ZBTB38: variants seen among roughly 807,000 people sequenced by gnomAD.
ZBTB38 encodes the protein zinc finger and BTB domain-containing protein 38.
ZBTB38 carries 20 observed loss-of-function variants against 76.8 expected under a neutral mutation model. The observed-to-expected ratio is 0.26, with a 90% CI of 0.18 to 0.38. ZBTB38 has a LOEUF of 0.38. Ranked by LOEUF, ZBTB38 falls within the 10% of genes least tolerant of loss-of-function variation. The pLI, the probability that ZBTB38 is intolerant of heterozygous loss-of-function variation, is 1.00. For synonymous variants in ZBTB38, 504 were observed against 544.2 expected, an observed-to-expected ratio of 0.93 and a Z score of 1.03; for missense variants, 1,082 against 1,482.3, an observed-to-expected ratio of 0.73 and a Z score of 4.43.
At position 141,446,068 on chromosome 3, in the gene ZBTB38, A is replaced by T; in HGVS notation, c.*92A>T. On this transcript the variant is annotated 3_prime_UTR_variant, in exon 6 of 6. Transcript: ENST00000321464. ...GTTTCATTTTGTCCATGTGACAGTC[A>T]TGAAGGAGTGAAATTAAAAAAAAAA... 4.6e-6 allele frequency: 5 copies of T among 1,079,718 alleles called. No homozygotes were observed. The highest frequency in any genetic ancestry group is 6.3e-6 in the Non-Finnish European group (5 of 792,668). The allele number at this position is 1,079,718 out of a possible 1,614,324, so 66.9% of individuals were successfully genotyped here.
chr3:141,329,334 AG>A (rs1055450366), intron 1 of ZBTB38, among the ~76,000 whole-genome samples: 4 of 152,234 alleles, frequency 2.6e-5, no homozygotes, highest in African/African-American at 9.6e-5. Context: ...CAACATGCTC[AG>A]GAAAAATAAC....
rs2080839552 is a variant in ZBTB38 at position 141,444,591 on chromosome 3, G to T, written c.2203G>T (p.Ala735Ser). 3 of 1,614,066 alleles carry T rather than the reference G, an allele frequency of 1.9e-6. No individual in the cohort carries two copies. The highest frequency in any genetic ancestry group is 1.7e-6 in the Non-Finnish European group (2 of 1,180,036). Residue 735 changes from alanine to serine, a missense_variant, in exon 6 of 6, where the codon GCC (alanine) becomes TCC (serine). Ala to Ser is a moderately conservative substitution (Grantham distance 99). Coordinates refer to ENST00000321464, the MANE Select transcript of ZBTB38 (RefSeq NM_001376113.1). The surrounding 1 kb of genome is among the most constrained non-coding windows in gnomAD (Gnocchi z 5.1). ...SVIMHSNAIA[A>S]MTSSNHRAFS... ...GATCATGCACAGCAATGCCATTGCT[G>T]CCATGACCAGCAGCAACCACAGAGC...
chr3:141,332,512 C>T (rs1357122299), intron 1 of ZBTB38, among the ~76,000 whole-genome samples: 1 of 152,224 alleles, frequency 6.6e-6, no homozygotes, highest in Non-Finnish European at 1.5e-5. Flanking sequence ...CAGGCTCTCA[C>T]CCGGCCACCT....
chr3:141,349,084 C>G (rs1943446475), intron 1 of ZBTB38, among the ~76,000 whole-genome samples: 1 of 152,122 alleles, frequency 6.6e-6, no homozygotes, highest in African/African-American at 2.4e-5. Context: ...CCCAAAGGAG[C>G]ACTTAGCCTT....
intron 2 of ZBTB38, among the ~76,000 whole-genome samples, chr3:141,378,061 T>C (rs1945645326): frequency 6.6e-6 from 1 of 152,004 alleles, no homozygotes; most frequent in African/African-American, 2.4e-5. Context: ...ACCTGTGGTC[T>C]CAGCTACTTG....
chr3:141,357,064 G>A (rs1257796606), intron 1 of ZBTB38, among the ~76,000 whole-genome samples: 3 of 152,064 alleles, frequency 2.0e-5, no homozygotes, highest in African/African-American at 7.2e-5. Context: ...ATTTGTGTTT[G>A]ATCTTTTCTC....
chr3:141,341,588 T>C (rs553209237), intron 1 of ZBTB38, among the ~76,000 whole-genome samples: 65 of 152,224 alleles, frequency 4.3e-4, no homozygotes, highest in African/African-American at 1.4e-3. Context: ...GCACCAATAC[T>C]GAAAAGACAA....
Position 141,443,106 on chromosome 3 carries a change from C to A in ZBTB38, c.718C>A (p.His240Asn), listed in dbSNP as rs774987700. The change falls in exon 6 of 6, where the codon CAT becomes AAT. Residue 240 changes from histidine to asparagine, a missense_variant. His to Asn is a moderately conservative substitution (Grantham distance 68). Transcript: ENST00000321464. The surrounding 1 kb of genome is among the most constrained non-coding windows in gnomAD (Gnocchi z 5.6). ...TTACAGAAGTCAGCCTGTACGTGAA[C>A]ATGATGGCAGTTCACCTGGTAACAC... is the stretch of plus-strand genomic sequence containing the variant. Reference protein sequence around the residue: ...EAYRSQPVREHDGSSPGNTGK... With the variant: ...EAYRSQPVRENDGSSPGNTGK... 1 of 1,614,218 alleles carries A rather than the reference C, an allele frequency of 6.2e-7. No individual in the cohort carries two copies. Among genetic ancestry groups the A allele is most frequent in the African/African-American group, 1.3e-5 (1 of 75,056 alleles).
At chr3:141,415,473 T>C (rs1301289357) in intron 5 of ZBTB38, among the ~76,000 whole-genome samples, 1 of 152,130 alleles carries the variant, frequency 6.6e-6, no homozygotes, top group Non-Finnish European at 1.5e-5. Context: ...ATGGACATCC[T>C]CTGGGAGTCC....
At chr3:141,353,720 G>A (rs998364870) in intron 1 of ZBTB38, among the ~76,000 whole-genome samples, 1 of 152,126 alleles carries the variant, frequency 6.6e-6, no homozygotes, top group Non-Finnish European at 1.5e-5. Flanking sequence ...ATGAATGAGT[G>A]AATGAATAAA....
At chr3:141,404,574 G>T (rs1336147524) in intron 5 of ZBTB38, among the ~76,000 whole-genome samples, 1 of 152,190 alleles carries the variant, frequency 6.6e-6, no homozygotes, top group Non-Finnish European at 1.5e-5. Flanking sequence ...CTACCTTGGA[G>T]CCATATACAA....
chr3:141,375,012 C>T (rs1295114594), intron 2 of ZBTB38, among the ~76,000 whole-genome samples: 1 of 152,178 alleles, frequency 6.6e-6, no homozygotes. Flanking sequence ...CCTCCCAATT[C>T]TTCTGCATTA....
At chr3:141,404,637 G>C (rs140462365) in intron 5 of ZBTB38, among the ~76,000 whole-genome samples, 9 of 152,342 alleles carry the variant, frequency 5.9e-5, no homozygotes, top group African/African-American at 1.7e-4. Context: ...TTGTGTGCAT[G>C]TGTACGCTAG....
intron 2 of ZBTB38, among the ~76,000 whole-genome samples, chr3:141,380,573 TGA>T (rs1249894412): frequency 1.3e-5 from 2 of 152,158 alleles, no homozygotes; most frequent in Non-Finnish European, 2.9e-5. Context: ...TTGATGTTGG[TGA>T]GTCCAAAACA....
At chr3:141,393,769 G>T (rs568715873) in intron 4 of ZBTB38, among the ~76,000 whole-genome samples, 1 of 150,932 alleles carries the variant, frequency 6.6e-6, no homozygotes, top group South Asian at 2.1e-4. Flanking sequence ...GGGAGAAAGT[G>T]GGAAGGGGTT....
intron 2 of ZBTB38, among the ~76,000 whole-genome samples, chr3:141,379,633 C>T (rs949175630): frequency 9.2e-5 from 14 of 152,196 alleles, no homozygotes; most frequent in African/African-American, 3.4e-4. Context: ...TGGTGAATCT[C>T]GTAGTTTTGC....
At chr3:141,409,944 G>A (rs550359296) in intron 5 of ZBTB38, among the ~76,000 whole-genome samples, 2 of 152,226 alleles carry the variant, frequency 1.3e-5, no homozygotes, top group South Asian at 2.1e-4. Context: ...CTGGGTTGGG[G>A]TGAGAAGAAA....
chr3:141,412,372 T>G (rs1260384698), intron 5 of ZBTB38, among the ~76,000 whole-genome samples: 1 of 152,182 alleles, frequency 6.6e-6, no homozygotes, highest in Non-Finnish European at 1.5e-5. Flanking sequence ...GCGAGCTGAA[T>G]CCCTGTGTGA....
chr3:141,355,164 C>G (rs1943624195), intron 1 of ZBTB38, among the ~76,000 whole-genome samples: 1 of 152,044 alleles, frequency 6.6e-6, no homozygotes, highest in African/African-American at 2.4e-5. Context: ...TCCAGGGAAT[C>G]TCATAGATTA....
Sources: gnomAD v4.1 joint callset for allele counts (sites outside exome capture counted in the v4.1 genomes callset) on GRCh38, gnomAD v4.1.1 for gene constraint, Gnocchi (gnomAD v3.1) non-coding constraint, MANE v1.5 for transcripts, NCBI Gene and HGNC (gene_info 2026-07-23, HGNC 2026-07-21) for gene names.